The following FAAP100 variants were observed in gnomAD, a reference collection of about 807,000 sequenced individuals.
The protein encoded by FAAP100 is FA core complex associated protein 100.
FAAP100 carries 46 observed loss-of-function variants against 65.8 expected under a neutral mutation model. The observed-to-expected ratio is 0.70, with a 90% CI of 0.55 to 0.89. FAAP100 has a LOEUF of 0.89. Among genes scored for constraint, FAAP100 ranks in the 40% least tolerant of loss-of-function variants. The probability of loss-of-function intolerance (pLI) is 0.00; values close to 1 mark genes in which losing one functional copy is unlikely to be tolerated. For synonymous variants in FAAP100, 663 were observed against 555.1 expected (o/e 1.19, Z -2.73); for missense variants, 1,165 against 1,196.7 (o/e 0.97, Z 0.39).
chr17:81,546,032 G>T (rs2033286964), intron 5 of FAAP100, 150 bp from the exon 6 acceptor site: 1 of 1,105,062 alleles, frequency 9.0e-7, no homozygotes, highest in Non-Finnish European at 1.2e-6. Context: ...ACCCTAAGCT[G>T]CGGCGTGGCC....
In FAAP100 at chr17:81,550,377, G is replaced by A. The variant is rs142971283; in HGVS notation, c.1117C>T (p.Arg373Trp). Residue 373 changes from arginine (R) to tryptophan (W), a missense_variant, in exon 3 of 9, where the codon CGG becomes TGG. Transcript: ENST00000327787. ...PSDLCVVDLS[R>W]GSTPLGPEQP... ...TCAGGGCCCAGCGGGGTGCTTCCCC[G>A]AGACAGATCCACCACACAGAGGTCA... is the stretch of plus-strand genomic sequence containing the variant. 2.5e-5 allele frequency: 40 copies of A among 1,612,794 alleles called. No individual in the cohort carries two copies. The East Asian group carries it at 5.1e-4, about 21-fold the overall frequency.
intron 6 of FAAP100, among the ~76,000 whole-genome samples, chr17:81,544,401 G>A (rs768448602): frequency 5.3e-5 from 8 of 152,206 alleles, no homozygotes; most frequent in Non-Finnish European, 1.0e-4. Flanking sequence ...TTCACGCAGG[G>A]CCTCGAGCCA....
At position 81,550,681 on chromosome 17, in the gene FAAP100, A is replaced by T; in HGVS notation, c.813T>A (p.Leu271=). ...CCTCCAGGTGATGGAGGATCTTGAC[A>T]AGGGCATTTGGGTCACCAGGGGCTG... ...SRSAPGDPNA[L]VKILHHLEEP... The change falls in exon 3 of 9, where the codon CTT becomes CTA. Residue 271 remains leucine, a synonymous_variant. Transcript: ENST00000327787. The T allele has an allele frequency of 6.2e-7, 1 of 1,613,010 alleles. No individual in the cohort carries two copies. The highest frequency in any genetic ancestry group is 8.5e-7 in the Non-Finnish European group (1 of 1,180,014).
chr17:81,548,219 C>CA (rs2033379502), intron 4 of FAAP100: 1 of 576,144 alleles, frequency 1.7e-6, no homozygotes, highest in East Asian at 2.8e-5. Flanking sequence ...TGCGCGCACT[C>CA]AGTGTGTTCT....
At position 81,550,870 on chromosome 17, in the gene FAAP100, C is replaced by T. The variant is rs576168698; in HGVS notation, c.624G>A (p.Pro208=). The T allele has an allele frequency of 1.6e-5, 25 of 1,611,928 alleles. No homozygotes were observed. The African/African-American group carries it at 1.9e-4, about 12-fold the overall frequency. Residue 208 remains proline (P), a synonymous_variant, in exon 3 of 9, where the codon CCG becomes CCA. Transcript: ENST00000327787. Reference sequence around the variant, plus strand: ...CCCCGGAGCCCCCGAGGAGGTCGTGCGGGACCCTGGAGCCTGATGGTGACA... The same window carrying T: ...CCCCGGAGCCCCCGAGGAGGTCGTGTGGGACCCTGGAGCCTGATGGTGACA... ...CSVSPSGSRV[P]HDLLGGSGGF... is the part of the protein sequence containing the mutation.
chr17:81,542,036 G>A (rs558400337), intron 7 of FAAP100, among the ~76,000 whole-genome samples: 420 of 149,948 alleles, frequency 2.8e-3, no homozygotes, highest in Middle Eastern at 6.9e-3. Context: ...GCGTAGTGGC[G>A]GGCGCCTGTA....
At chr17:81,550,107 T>C in intron 3 of FAAP100, 141 bp downstream of exon 3, 3 of 792,724 alleles carry the variant, frequency 3.8e-6, no homozygotes, top group South Asian at 2.0e-5. Flanking sequence ...GACAAGAGAG[T>C]TAACCACTAG....
chr17:81,545,799 A>C lies in FAAP100; in HGVS notation c.2257T>G (p.Ser753Ala). The C allele has an allele frequency of 6.2e-7, 1 of 1,612,414 alleles. No individual in the cohort carries two copies. Among genetic ancestry groups the C allele is most frequent in the Non-Finnish European group, 8.5e-7 (1 of 1,179,878 alleles). Residue 753 changes from serine (S) to alanine (A), a missense_variant, in exon 6 of 9, where the codon TCC becomes GCC. By Grantham distance (99) the Ser-to-Ala change is moderately conservative (BLOSUM62 1). Coordinates refer to ENST00000327787, the MANE Select transcript of FAAP100 (RefSeq NM_025161.6). ...VDVVRARALSSIQGVAPDGAN... is the reference protein window; with the variant it reads ...VDVVRARALSAIQGVAPDGAN... ...CCATCAGGGGCCACTCCCTGGATGG[A>C]AGATAGTGCTCGGGCCCTCACGACG...
chr17:81,551,434 C>A (rs2033491634), intron 2 of FAAP100, among the ~76,000 whole-genome samples: 1 of 152,232 alleles, frequency 6.6e-6, no homozygotes, highest in Admixed American at 6.5e-5. Context: ...AGCATAGAAC[C>A]GTCAGGCTGA....
At chr17:81,543,616 C>T (rs1461957476) in intron 7 of FAAP100, among the ~76,000 whole-genome samples, 2 of 152,152 alleles carry the variant, frequency 1.3e-5, no homozygotes, top group Non-Finnish European at 2.9e-5. Flanking sequence ...CCTACCACCT[C>T]GTTCTAGGAT....
At chr17:81,545,165 T>A (rs757764636) in intron 6 of FAAP100, among the ~76,000 whole-genome samples, 11 of 152,038 alleles carry the variant, frequency 7.2e-5, no homozygotes, top group Non-Finnish European at 1.5e-4. Context: ...CGAGACCTTG[T>A]CTCAAAGAAA....
rs775580833 is a variant in FAAP100, at chr17:81,540,836, T to A, written c.2629A>T (p.Ser877Cys). 1 of 1,537,580 alleles carries A rather than the reference T, an allele frequency of 6.5e-7. No homozygotes were observed. The highest frequency in any genetic ancestry group is 1.2e-5 in the South Asian group (1 of 83,576). ...LQVYRQLRHP[S>C]LILL Reference sequence around the variant, plus strand: ...CCGCCTGGTCACAGCAGGATGAGGCTGGGGTGGCGCAGCTGCCGGTACACC... The same window carrying A: ...CCGCCTGGTCACAGCAGGATGAGGCAGGGGTGGCGCAGCTGCCGGTACACC... The change falls in exon 9 of 9, where the codon AGC becomes TGC. Residue 877 changes from serine (S) to cysteine (C), a missense_variant. Ser to Cys is a moderately radical substitution (Grantham distance 112). Coordinates refer to ENST00000327787, the MANE Select transcript of FAAP100 (RefSeq NM_025161.6).
chr17:81,547,339 CG>C lies in FAAP100; in HGVS notation c.1742del (p.Thr581SerfsTer16). On this transcript the variant is annotated frameshift_variant, in exon 5 of 9. Coordinates refer to ENST00000327787, the MANE Select transcript of FAAP100 (RefSeq NM_025161.6). LOFTEE classifies it high-confidence loss of function. ...CGTTCTCACCAGGGCCCAGGGGTAG[CG>C]TCACCTCCCGCCGAGCACCGGGGCC... ...QLGPGARREVTLPLGPGENGG... is the reference protein window; with the variant it reads ...QLGPGARREVXLPLGPGENGG... 1 of 1,612,634 alleles carries C rather than the reference CG, an allele frequency of 6.2e-7. No homozygotes were observed. Among genetic ancestry groups the C allele is most frequent in the Non-Finnish European group, 8.5e-7 (1 of 1,179,866 alleles).
Position 81,547,553 on chromosome 17 carries a change from G to A in FAAP100, c.1529C>T (p.Thr510Ile), listed in dbSNP as rs2033354924. ...CTGCAGGCGGCTCCAGGTGGTGCTG[G>A]TGGTGCAGGAGATGGGTCTGGGGCC... ...GTGPRPISCT[T>I]STTWSRLQTQ... Residue 510 changes from threonine to isoleucine, a missense_variant, in exon 5 of 9, where the codon ACC (threonine) becomes ATC (isoleucine). By Grantham distance (89) the Thr-to-Ile change is moderately conservative. Transcript: ENST00000327787. The A allele has an allele frequency of 3.1e-6, 5 of 1,613,474 alleles. No individual in the cohort carries two copies. In the East Asian group the frequency reaches 8.9e-5, roughly 29 times the overall value.
intron 4 of FAAP100, chr17:81,548,043 C>T (rs1481403705): frequency 7.3e-6 from 5 of 684,952 alleles, no homozygotes; most frequent in African/African-American, 5.3e-5. Flanking sequence ...CCACCCTTGG[C>T]TCCCCAGAAT....
At chr17:81,542,969 G>A (rs933176239) in intron 7 of FAAP100, among the ~76,000 whole-genome samples, 1 of 152,216 alleles carries the variant, frequency 6.6e-6, no homozygotes, top group African/African-American at 2.4e-5. Context: ...AGACCCCCAA[G>A]CCCAGGCAGC....
At chr17:81,544,286 C>A (rs2033218045) in intron 6 of FAAP100, among the ~76,000 whole-genome samples, 166 bp from the exon 7 acceptor site, 1 of 152,354 alleles carries the variant, frequency 6.6e-6, no homozygotes, top group Middle Eastern at 3.4e-3. Flanking sequence ...GCTCAGTACC[C>A]TGGTTTAGCT....
rs552911273 is a variant in FAAP100, at chr17:81,547,756, T to A, written c.1404-78A>T. 3 of 1,520,118 alleles carry A rather than the reference T, an allele frequency of 2.0e-6. No homozygotes were observed. In the South Asian group the frequency reaches 3.4e-5, roughly 17 times the overall value. The allele number at this position is 1,520,118 out of a possible 1,614,324, so 94.2% of individuals were successfully genotyped here. On this transcript the variant is annotated intron_variant, in intron 4 of 8. Transcript: ENST00000327787. Reference sequence around the variant, plus strand: ...GTGCCACATCTTGACTCAGGCCTGGTAGGCACCGAGCCTGGCTCCACGACA... The same window carrying A: ...GTGCCACATCTTGACTCAGGCCTGGAAGGCACCGAGCCTGGCTCCACGACA...
intron 7 of FAAP100, among the ~76,000 whole-genome samples, chr17:81,542,751 A>G (rs2033162373): frequency 6.6e-6 from 1 of 152,218 alleles, no homozygotes; most frequent in Non-Finnish European, 1.5e-5. Flanking sequence ...CAGATGATCA[A>G]GATGAGGTCA....
Sources: gnomAD v4.1 joint callset for allele counts (sites outside exome capture counted in the v4.1 genomes callset) on GRCh38, gnomAD v4.1.1 for gene constraint, MANE v1.5 for transcripts, NCBI Gene and HGNC (gene_info 2026-07-23, HGNC 2026-07-21) for gene names.